The following SPARCL1 variants were observed in gnomAD, a reference collection of about 807,000 sequenced individuals.
SPARCL1 encodes the protein SPARC like 1, also known as SPARC-like protein 1.
SPARCL1 carries 52 observed loss-of-function variants against 67.1 expected under a neutral mutation model. The ratio of observed to expected loss-of-function variants is 0.78; its 90% CI spans 0.62 to 0.98. The LOEUF (loss-of-function observed/expected upper bound fraction) is 0.98, where lower values mean the gene tolerates loss of function less well. Ranked by LOEUF, SPARCL1 falls within the 50% of genes least tolerant of loss-of-function variation. SPARCL1 has a pLI of 0.00. For synonymous variants in SPARCL1, 226 were observed against 267.8 expected, an observed-to-expected ratio of 0.84 and a Z score of 1.52; for missense variants, 717 against 782.4, an observed-to-expected ratio of 0.92 and a Z score of 1.00.
At chr4:87,482,952 G>A (rs1018220427) in intron 7 of SPARCL1, among the ~76,000 whole-genome samples, 1 of 152,160 alleles carries the variant, frequency 6.6e-6, no homozygotes, top group Non-Finnish European at 1.5e-5. Context: ...TGATACTACA[G>A]TAAGAAATAA....
Position 87,480,501 on chromosome 4 carries a change from T to C in SPARCL1, c.1688A>G (p.Asp563Gly). The C allele has an allele frequency of 6.2e-7, 1 of 1,609,830 alleles. No individual in the cohort carries two copies. Among genetic ancestry groups the C allele is most frequent in the Non-Finnish European group, 8.5e-7 (1 of 1,178,864 alleles). The change falls in exon 9 of 11, where the codon GAT (aspartate) becomes GGT (glycine). Residue 563 changes from aspartate to glycine, a missense_variant. By Grantham distance (94) the Asp-to-Gly change is moderately conservative. Transcript: ENST00000282470. ...QRNKVKKIYL[D>G]EKRLLAGDHP... ...GTCCCCAGCCAAAAGCCTCTTTTCA[T>C]CCAGGTAAATTTTCTTGACCTGGGA...
At chr4:87,480,590 C>G in intron 8 of SPARCL1, 70 bp from the exon 9 acceptor site, 1 of 1,352,426 alleles carries the variant, frequency 7.4e-7, no homozygotes, top group Non-Finnish European at 1.0e-6. Context: ...TTGCTATAAA[C>G]TTTACTTGAA....
At chr4:87,504,135 T>TGTG (rs1724971386) in intron 1 of SPARCL1, among the ~76,000 whole-genome samples, 1 of 30,922 alleles carries the variant, frequency 3.2e-5, no homozygotes, top group South Asian at 1.6e-3. Flanking sequence ...TGATTTGGTA[T>TGTG]TGTGTGTGTG....
intron 1 of SPARCL1, among the ~76,000 whole-genome samples, chr4:87,512,929 G>T (rs1235366726): frequency 6.6e-6 from 1 of 152,156 alleles, no homozygotes; most frequent in African/African-American, 2.4e-5. Context: ...GCTTTTGGGG[G>T]CTTCAGCTCA....
chr4:87,499,458 T>C, intron 2 of SPARCL1, 63 bp downstream of exon 2: 1 of 1,284,134 alleles, frequency 7.8e-7, no homozygotes, highest in Admixed American at 1.9e-5. Context: ...TTCTTTTAAA[T>C]GGAGGATTTC....
chr4:87,501,021 C>T (rs956645198), intron 1 of SPARCL1, among the ~76,000 whole-genome samples: 75 of 152,130 alleles, frequency 4.9e-4, no homozygotes, highest in African/African-American at 1.8e-3. Flanking sequence ...AAGCTTTTTA[C>T]GTACTTTTTT....
At chr4:87,479,821 G>A (rs1264951560) in intron 9 of SPARCL1, among the ~76,000 whole-genome samples, 1 of 152,144 alleles carries the variant, frequency 6.6e-6, no homozygotes, top group African/African-American at 2.4e-5. Flanking sequence ...ATCTATAGGG[G>A]TGTACCCAGC....
chr4:87,482,361 C>T (rs1723857522), intron 8 of SPARCL1, 63 bp downstream of exon 8: 1 of 1,572,504 alleles, frequency 6.4e-7, no homozygotes, highest in Non-Finnish European at 8.7e-7. Flanking sequence ...GCCCCCCCAC[C>T]ACGTCTTTCT....
chr4:87,488,160 TGGA>T (rs1443412611), intron 7 of SPARCL1, among the ~76,000 whole-genome samples: 2 of 152,242 alleles, frequency 1.3e-5, no homozygotes, highest in African/African-American at 4.8e-5. Flanking sequence ...TGTGATCCTT[TGGA>T]GGAGAAGAGG....
intron 10 of SPARCL1, among the ~76,000 whole-genome samples, chr4:87,474,811 C>T (rs1370461978): frequency 8.1e-5 from 12 of 147,366 alleles, no homozygotes; most frequent in Non-Finnish European, 1.3e-4. Context: ...GGCGCAGTCT[C>T]GGCTCACTGC....
intron 10 of SPARCL1, among the ~76,000 whole-genome samples, chr4:87,477,527 G>A (rs966013171): frequency 6.6e-6 from 1 of 152,170 alleles, no homozygotes; most frequent in Non-Finnish European, 1.5e-5. Flanking sequence ...GGTTATAAAA[G>A]ACATTGGGGC....
At chr4:87,516,469 C>T (rs1215184899) in intron 1 of SPARCL1, among the ~76,000 whole-genome samples, 1 of 152,114 alleles carries the variant, frequency 6.6e-6, no homozygotes, top group Non-Finnish European at 1.5e-5. Context: ...TGTCTTAGAC[C>T]ATTTAATAGT....
At chr4:87,475,300 A>G (rs1389669052) in intron 10 of SPARCL1, among the ~76,000 whole-genome samples, 1 of 152,102 alleles carries the variant, frequency 6.6e-6, no homozygotes, top group Non-Finnish European at 1.5e-5. Context: ...AACTTCTTTG[A>G]CATCTCAGTC....
chr4:87,490,070 G>A (rs1377970095), intron 7 of SPARCL1, among the ~76,000 whole-genome samples: 1 of 152,154 alleles, frequency 6.6e-6, no homozygotes, highest in Non-Finnish European at 1.5e-5. Flanking sequence ...AACAATGTCA[G>A]GATTCCAACC....
At chr4:87,485,452 C>T (rs999473679) in intron 7 of SPARCL1, among the ~76,000 whole-genome samples, 2 of 151,638 alleles carry the variant, frequency 1.3e-5, no homozygotes, top group East Asian at 3.9e-4. Flanking sequence ...TTGATGTGCT[C>T]CTGGATTTGG....
At chr4:87,505,016 A>C (rs997869431) in intron 1 of SPARCL1, 4 of 152,212 alleles carry the variant, frequency 2.6e-5, no homozygotes, top group African/African-American at 9.6e-5. Context: ...CGCTGCCCCA[A>C]AACTCTAATA....
At chr4:87,476,706 C>T (rs1342926224) in intron 10 of SPARCL1, among the ~76,000 whole-genome samples, 1 of 152,166 alleles carries the variant, frequency 6.6e-6, no homozygotes, top group Admixed American at 6.5e-5. Context: ...GCACCTGTTA[C>T]CTGAACCCCA....
intron 2 of SPARCL1, among the ~76,000 whole-genome samples, chr4:87,498,762 G>A (rs934374850): frequency 6.6e-6 from 1 of 152,054 alleles, no homozygotes; most frequent in Non-Finnish European, 1.5e-5. Context: ...TTACCATATC[G>A]TTTCCTGCCT....
intron 1 of SPARCL1, among the ~76,000 whole-genome samples, chr4:87,522,652 C>CAT: frequency 6.8e-6 from 1 of 147,472 alleles, no homozygotes; most frequent in Non-Finnish European, 1.5e-5. Flanking sequence ...CACACACACA[C>CAT]ACACACACAC....
Sources: gnomAD v4.1 joint callset for allele counts (sites outside exome capture counted in the v4.1 genomes callset) on GRCh38, gnomAD v4.1.1 for gene constraint, MANE v1.5 for transcripts, NCBI Gene and HGNC (gene_info 2026-07-23, HGNC 2026-07-21) for gene names.